Variants in LYPLAL1 observed in about 807,000 individuals in gnomAD.
LYPLAL1 encodes lysophospholipase like 1.
In LYPLAL1, 23 loss-of-function variants were observed where a neutral mutation model predicts 19.7. The ratio of observed to expected loss-of-function variants is 1.17; its 90% confidence interval spans 0.84 to 1.65. LYPLAL1 has a LOEUF of 1.65. Ranked by LOEUF, LYPLAL1 falls within the 40% of genes most tolerant of loss-of-function variation. The probability of loss-of-function intolerance (pLI) is 0.00; values close to 1 mark genes in which losing one functional copy is unlikely to be tolerated. For synonymous variants in LYPLAL1, 119 were observed against 96.3 expected (o/e 1.24, Z -1.38); for missense variants, 355 against 279.4 (o/e 1.27, Z -1.93).
At chr1:219,180,911 G>A (rs991275159) in intron 2 of LYPLAL1, among the ~76,000 whole-genome samples, 4 of 152,116 alleles carry the variant, frequency 2.6e-5, no homozygotes, top group African/African-American at 7.2e-5. Flanking sequence ...AGTAAAATAT[G>A]AAATCATTGG....
the LYPLAL1 span, among the ~76,000 whole-genome samples, chr1:219,380,510 A>T: frequency 6.6e-6 from 1 of 152,238 alleles, no homozygotes; most frequent in African/African-American, 2.4e-5. Flanking sequence ...TGTGATCTTG[A>T]CACCAGCCTG....
the LYPLAL1 span, among the ~76,000 whole-genome samples, chr1:219,352,688 TC>T: frequency 6.6e-6 from 1 of 152,158 alleles, no homozygotes. Flanking sequence ...AGGCATACCT[TC>T]CCCAACCCAA....
intron 1 of LYPLAL1, among the ~76,000 whole-genome samples, chr1:219,175,435 A>G (rs747487458): frequency 2.9e-4 from 44 of 152,192 alleles, no homozygotes; most frequent in Non-Finnish European, 5.7e-4. Context: ...AAATTCCCCA[A>G]CACTGTACCC....
At chr1:219,438,584 C>T in the LYPLAL1 span, among the ~76,000 whole-genome samples, 25 of 152,218 alleles carry the variant, frequency 1.6e-4, no homozygotes, top group Non-Finnish European at 2.9e-4. Context: ...ATCGTCAGCA[C>T]CTATTTGGGA....
chr1:219,294,759 T>G, the LYPLAL1 span, among the ~76,000 whole-genome samples: 1 of 152,100 alleles, frequency 6.6e-6, no homozygotes, highest in Non-Finnish European at 1.5e-5. Context: ...TAGCACATAA[T>G]AGGTTTATTA....
At chr1:219,341,327 C>G in the LYPLAL1 span, among the ~76,000 whole-genome samples, 1 of 152,030 alleles carries the variant, frequency 6.6e-6, no homozygotes, top group East Asian at 1.9e-4. Flanking sequence ...TATGCTAGTT[C>G]TAGAATACAT....
At chr1:219,349,249 T>C in the LYPLAL1 span, among the ~76,000 whole-genome samples, 392 of 152,302 alleles carry the variant, frequency 2.6e-3, 3 homozygotes, top group African/African-American at 8.1e-3. Flanking sequence ...AAATCCTTTT[T>C]AGGATGGTTA....
At chr1:219,190,461 T>C (rs1004943343) in intron 2 of LYPLAL1, among the ~76,000 whole-genome samples, 11 of 151,276 alleles carry the variant, frequency 7.3e-5, no homozygotes, top group Non-Finnish European at 1.5e-4. Flanking sequence ...AATTCAAGGC[T>C]TAGGTGTAAA....
chr1:219,228,196 T>C, the LYPLAL1 span, among the ~76,000 whole-genome samples: 37 of 152,206 alleles, frequency 2.4e-4, no homozygotes, highest in Non-Finnish European at 4.6e-4. Flanking sequence ...TCTCACATCT[T>C]ATTGGCCAGA....
the LYPLAL1 span, among the ~76,000 whole-genome samples, chr1:219,281,271 A>T: frequency 6.6e-6 from 1 of 151,866 alleles, no homozygotes; most frequent in African/African-American, 2.4e-5. Flanking sequence ...TTCCCTGTCT[A>T]CCCTGTGCCA....
chr1:219,274,028 G>A, the LYPLAL1 span, among the ~76,000 whole-genome samples: 17 of 152,116 alleles, frequency 1.1e-4, no homozygotes, highest in African/African-American at 3.4e-4. Context: ...CCAAAGTGCC[G>A]GGATCACAGG....
At chr1:219,174,112 G>C in intron 1 of LYPLAL1, 131 bp downstream of exon 1, 1 of 1,480,194 alleles carries the variant, frequency 6.8e-7, no homozygotes, top group Non-Finnish European at 9.0e-7. Flanking sequence ...CCCGTCGCCA[G>C]CCCCGGCTGT....
chr1:219,363,703 C>A, the LYPLAL1 span, among the ~76,000 whole-genome samples: 306 of 152,310 alleles, frequency 2.0e-3, 1 homozygote, highest in Admixed American at 3.6e-3. Flanking sequence ...TTGAACCACT[C>A]ATTCTCTCAT....
At chr1:219,254,642 C>T in the LYPLAL1 span, among the ~76,000 whole-genome samples, 1 of 151,990 alleles carries the variant, frequency 6.6e-6, no homozygotes, top group Non-Finnish European at 1.5e-5. Flanking sequence ...TCAGTTGAGC[C>T]GTCCACTGTT....
At chr1:219,289,095 TGCCTTTGGAAATTTC>T in the LYPLAL1 span, among the ~76,000 whole-genome samples, 1 of 149,960 alleles carries the variant, frequency 6.7e-6, no homozygotes, top group Non-Finnish European at 1.5e-5. Flanking sequence ...TTGTTTTTTT[TGCCTTTGGAAATTTC>T]TTTGGAGGCA....
intron 3 of LYPLAL1, among the ~76,000 whole-genome samples, chr1:219,196,775 T>G (rs146782239): frequency 6.6e-6 from 1 of 152,276 alleles, no homozygotes; most frequent in African/African-American, 2.4e-5. Flanking sequence ...CAAAGCTTCT[T>G]AAGTGGATAA....
chr1:219,439,009 G>C, the LYPLAL1 span, among the ~76,000 whole-genome samples: 2 of 152,006 alleles, frequency 1.3e-5, no homozygotes, highest in Non-Finnish European at 2.9e-5. Flanking sequence ...GTTTCATCCT[G>C]CACGTTCCTT....
At chr1:219,221,262 G>A in the LYPLAL1 span, among the ~76,000 whole-genome samples, 100 of 152,242 alleles carry the variant, frequency 6.6e-4, no homozygotes, top group African/African-American at 2.4e-3. Context: ...CAGCTTAGCC[G>A]AAGCATTGGT....
At chr1:219,432,389 G>A in the LYPLAL1 span, among the ~76,000 whole-genome samples, 1 of 152,140 alleles carries the variant, frequency 6.6e-6, no homozygotes, top group African/African-American at 2.4e-5. Context: ...GAATTCAGAA[G>A]GTAAGTGGAA....
Sources: allele counts gnomAD v4.1 joint callset (sites outside exome capture counted in the v4.1 genomes callset), GRCh38; gene constraint gnomAD v4.1.1; transcripts MANE v1.5; gene names NCBI Gene and HGNC (gene_info 2026-07-23, HGNC 2026-07-21).